USP6NL: variants seen among roughly 807,000 people sequenced by gnomAD.
USP6NL encodes the protein USP6 N-terminal like.
A neutral mutation model predicts 61.9 loss-of-function variants in USP6NL; 26 were observed. The observed-to-expected ratio is 0.42, with a 90% CI of 0.31 to 0.58. USP6NL has a LOEUF of 0.58. Among genes scored for constraint, USP6NL ranks in the 20% least tolerant of loss-of-function variants. USP6NL has a pLI of 0.16. For synonymous variants in USP6NL, 432 were observed against 390.1 expected (o/e 1.11, Z -1.27); for missense variants, 1,114 against 1,034.3 (o/e 1.08, Z -1.06).
chr10:11,580,611 A>C (rs1837723198), intron 2 of USP6NL, among the ~76,000 whole-genome samples: 1 of 152,192 alleles, frequency 6.6e-6, no homozygotes, highest in African/African-American at 2.4e-5. Flanking sequence ...GTTTCAAAGG[A>C]CTGATGGCTG....
chr10:11,460,656 A>ATATATATATAT lies in USP6NL; in HGVS notation c.*1784_*1785insATATATATATA, dbSNP rs1566104005. ...ATATATATATATATATATATATATAAAAATCTACAGTATTTACCACTGTTG... is the reference window on the plus strand; with the variant it reads ...ATATATATATATATATATATATATAATATATATATATAAATCTACAGTATTTACCACTGTTG... On this transcript the variant is annotated 3_prime_UTR_variant, in exon 15 of 15. Coordinates refer to ENST00000609104, the MANE Select transcript of USP6NL (RefSeq NM_014688.5). 13 of 113,682 alleles carry ATATATATATAT rather than the reference A, an allele frequency of 1.1e-4. No individual in the cohort carries two copies. Among genetic ancestry groups the ATATATATATAT allele is most frequent in the South Asian group, 3.3e-4 (1 of 3,044 alleles). The allele number at this position is 113,682 out of a possible 1,614,324, so 7.0% of individuals were successfully genotyped here. A position where few individuals can be genotyped will look rare whatever the true frequency, so the allele number is the denominator to read the frequency against.
rs1466179166 is a variant in USP6NL at position 11,585,455 on chromosome 10, G to A, written c.4+12176C>T. Reference sequence around the variant, plus strand: ...AAAAGGTGGAAGCACGAGGTCAGGAGATTGAGACCATCCTGGCTAACACAG... The same window carrying A: ...AAAAGGTGGAAGCACGAGGTCAGGAAATTGAGACCATCCTGGCTAACACAG... On this transcript the variant is annotated intron_variant, in intron 2 of 14. Transcript: ENST00000609104. This position sits in a 1 kb window ranked among gnomAD's most constrained non-coding sequence, Gnocchi z 4.5. Among the ~76,000 whole-genome samples, 1 of 152,120 alleles carries A rather than the reference G, an allele frequency of 6.6e-6. No individual in the cohort carries two copies. The highest frequency in any genetic ancestry group is 6.5e-5 in the Admixed American group (1 of 15,272).
rs1834684924 is a variant in USP6NL, at chr10:11,510,936, CA to C, written c.196-1262del. ...ATCCTGTCCTCTGCCCTAGTTCAGG[CA>C]ATCATCATTCCTGGATGGAAGCAGC... On this transcript the variant is annotated intron_variant, in intron 5 of 14. Coordinates refer to ENST00000609104, the MANE Select transcript of USP6NL (RefSeq NM_014688.5). This position sits in a 1 kb window ranked among gnomAD's most constrained non-coding sequence, Gnocchi z 4.8. Among the ~76,000 whole-genome samples, 1 of 152,198 alleles carries C rather than the reference CA, an allele frequency of 6.6e-6. No individual in the cohort carries two copies. The highest frequency in any genetic ancestry group is 2.4e-5 in the African/African-American group (1 of 41,438).
In USP6NL at chr10:11,462,847, G is replaced by C. The variant is rs757043262; in HGVS notation, c.2081C>G (p.Pro694Arg). Reference protein sequence around the residue: ...SYSRPSPLVLPSSRIEVLPVD... With the variant: ...SYSRPSPLVLRSSRIEVLPVD... ...AGGGAGGACTTCTATTCGACTAGACGGCAGTACAAGGGGGCTTGGGCGGCT... is the reference window on the plus strand; with the variant it reads ...AGGGAGGACTTCTATTCGACTAGACCGCAGTACAAGGGGGCTTGGGCGGCT... The change falls in exon 15 of 15, where the codon CCG becomes CGG. Residue 694 changes from proline to arginine, a missense_variant. By Grantham distance (103) the Pro-to-Arg change is moderately radical (BLOSUM62 -2). Transcript: ENST00000609104. 1.4e-5 allele frequency: 23 copies of C among 1,613,782 alleles called. No individual in the cohort carries two copies. The highest frequency in any genetic ancestry group is 1.9e-5 in the Non-Finnish European group (23 of 1,179,874).
At chr10:11,573,973 A>G (rs1837450687) in intron 2 of USP6NL, 1 of 261,686 alleles carries the variant, frequency 3.8e-6, no homozygotes, top group Non-Finnish European at 7.1e-6. Context: ...AGTTATAAAC[A>G]AAACAAAACA....
At chr10:11,590,801 G>A (rs534178037) in intron 2 of USP6NL, among the ~76,000 whole-genome samples, 2 of 152,050 alleles carry the variant, frequency 1.3e-5, no homozygotes, top group African/African-American at 2.4e-5. Context: ...GCAGAAGGAC[G>A]CGGAGAACAC....
chr10:11,524,399 T>C (rs937546169), intron 4 of USP6NL, among the ~76,000 whole-genome samples: 1 of 152,168 alleles, frequency 6.6e-6, no homozygotes, highest in African/African-American at 2.4e-5. Flanking sequence ...CTAATTCCTG[T>C]TTTAAAAATG....
chr10:11,524,848 T>G (rs1835354504), intron 4 of USP6NL, among the ~76,000 whole-genome samples: 1 of 152,164 alleles, frequency 6.6e-6, no homozygotes, highest in Non-Finnish European at 1.5e-5. Flanking sequence ...GTGAAGGATG[T>G]TTTTAAGGAT....
At chr10:11,594,070 G>A (rs1838242225) in intron 2 of USP6NL, among the ~76,000 whole-genome samples, 1 of 152,002 alleles carries the variant, frequency 6.6e-6, no homozygotes, top group African/African-American at 2.4e-5. Flanking sequence ...GACATATATT[G>A]CTATTTTTTA....
chr10:11,517,862 T>G (rs1454814866), intron 5 of USP6NL, among the ~76,000 whole-genome samples: 1 of 152,206 alleles, frequency 6.6e-6, no homozygotes, highest in South Asian at 2.1e-4. Context: ...ACCCCCACTT[T>G]CATTCTACAG....
chr10:11,464,619 A>T (rs993839332), intron 14 of USP6NL, among the ~76,000 whole-genome samples: 1 of 152,214 alleles, frequency 6.6e-6, no homozygotes, highest in African/African-American at 2.4e-5. Context: ...GTAATTGTTA[A>T]GGCAGTATCT....
intron 2 of USP6NL, among the ~76,000 whole-genome samples, chr10:11,571,829 T>C (rs78645962): frequency 0.024 from 3,640 of 151,278 alleles, 68 homozygotes; most frequent in Non-Finnish European, 0.036. Context: ...AAAAGCAAGC[T>C]TCTAAGAAAA....
chr10:11,463,739 G>T lies in USP6NL; in HGVS notation c.1189C>A (p.Pro397Thr). Residue 397 changes from proline to threonine, a missense_variant, in exon 15 of 15, where the codon CCG becomes ACG. Physicochemically the swap from Pro to Thr is conservative, Grantham distance 38 (BLOSUM62 -1). Coordinates refer to ENST00000609104, the MANE Select transcript of USP6NL (RefSeq NM_014688.5). This position sits in a 1 kb window ranked among gnomAD's most constrained non-coding sequence, Gnocchi z 6.3. ...NGQRSVGRPS[P>T]LASGRRESGA... is the part of the protein sequence containing the mutation. ...CTCTCCCTCCTGCCGCTGGCCAGCG[G>T]GCTCGGCCGGCCCACGCTCCTCTGT... is the stretch of plus-strand genomic sequence containing the variant. The T allele has an allele frequency of 6.3e-7, 1 of 1,599,700 alleles. No homozygotes were observed. Among genetic ancestry groups the T allele is most frequent in the Non-Finnish European group, 8.5e-7 (1 of 1,172,040 alleles).
At position 11,611,431 on chromosome 10, in the gene USP6NL, A is replaced by G. The variant is rs1838895741; in HGVS notation, c.-84+12T>C. On this transcript the variant is annotated intron_variant, in intron 1 of 14. Transcript: ENST00000609104. This position sits in a 1 kb window ranked among gnomAD's most constrained non-coding sequence, Gnocchi z 5.3. ...CGGCCCCTCACGGCGGGAGCTGAGG[A>G]ATGGAAGTTACCTCAGTACGGTCCC... 6.6e-6 allele frequency: 1 copy of G among 151,682 alleles called. No individual in the cohort carries two copies. Among genetic ancestry groups the G allele is most frequent in the South Asian group, 2.0e-4 (1 of 4,922 alleles). The allele number at this position is 151,682 out of a possible 1,614,324, so 9.4% of individuals were successfully genotyped here. A position where few individuals can be genotyped will look rare whatever the true frequency, so the allele number is the denominator to read the frequency against.
chr10:11,506,426 G>T (rs1384098624), intron 6 of USP6NL, among the ~76,000 whole-genome samples: 1 of 152,082 alleles, frequency 6.6e-6, no homozygotes, highest in East Asian at 1.9e-4. Context: ...AGAATCATTT[G>T]ACACCAGGAA....
At chr10:11,515,389 A>G (rs1190354692) in intron 5 of USP6NL, among the ~76,000 whole-genome samples, 1 of 152,194 alleles carries the variant, frequency 6.6e-6, no homozygotes, top group Admixed American at 6.5e-5. Flanking sequence ...GCTCTATTTG[A>G]ACATTACTGC....
chr10:11,523,802 A>G (rs1000001107), intron 4 of USP6NL, among the ~76,000 whole-genome samples: 1 of 152,226 alleles, frequency 6.6e-6, no homozygotes, highest in Non-Finnish European at 1.5e-5. Context: ...AAAATCTGGT[A>G]CAGTGGTTCA....
intron 1 of USP6NL, among the ~76,000 whole-genome samples, chr10:11,606,384 A>C (rs554389038): frequency 2.6e-5 from 4 of 152,232 alleles, no homozygotes; most frequent in Non-Finnish European, 5.9e-5. Flanking sequence ...ATTATTCCAC[A>C]TGGAAGGTCA....
chr10:11,563,791 A>C (rs1032231579), intron 2 of USP6NL: 1 of 152,150 alleles, frequency 6.6e-6, no homozygotes, highest in Non-Finnish European at 1.5e-5. Flanking sequence ...CATGATAATC[A>C]GAAGTGCAAG....
Sources: gnomAD v4.1 joint callset for allele counts (sites outside exome capture counted in the v4.1 genomes callset) on GRCh38, gnomAD v4.1.1 for gene constraint, Gnocchi (gnomAD v3.1) non-coding constraint, MANE v1.5 for transcripts, NCBI Gene and HGNC (gene_info 2026-07-23, HGNC 2026-07-21) for gene names.